The following IL23R variants were observed in gnomAD, a reference collection of about 807,000 sequenced individuals.
IL23R encodes the protein interleukin-23 receptor.
Under a neutral mutation model 56.9 loss-of-function variants are expected in IL23R, and 34 were observed. That is an observed-to-expected ratio of 0.60 (90% CI 0.45 to 0.80). The LOEUF (loss-of-function observed/expected upper bound fraction) is 0.80, where lower values mean the gene tolerates loss of function less well. Among genes scored for constraint, IL23R ranks in the 30% least tolerant of loss-of-function variants. The pLI is 0.00. For missense variants in IL23R, 635 were observed against 730.0 expected (o/e 0.87, Z 1.50); for synonymous variants, 230 against 249.2 (o/e 0.92, Z 0.73).
intron 9 of IL23R, among the ~76,000 whole-genome samples, chr1:67,245,545 T>C (rs1652161189): frequency 6.6e-6 from 1 of 152,210 alleles, no homozygotes; most frequent in Non-Finnish European, 1.5e-5. Flanking sequence ...TCAAAGGCCT[T>C]TTCTGCATCT....
intron 3 of IL23R, among the ~76,000 whole-genome samples, chr1:67,177,835 A>G (rs1647032062): frequency 6.6e-6 from 1 of 151,072 alleles, no homozygotes; most frequent in South Asian, 2.1e-4. Flanking sequence ...CCTTATGCAT[A>G]TGGCTAGCCA....
At chr1:67,147,931 A>ACCCAGTC (rs1325899546) in intron 1 of IL23R, among the ~76,000 whole-genome samples, 2 of 152,028 alleles carry the variant, frequency 1.3e-5, no homozygotes, top group Non-Finnish European at 2.9e-5. Flanking sequence ...AGATGGTGGC[A>ACCCAGTC]AGCCTTTTGT....
downstream of IL23R, among the ~76,000 whole-genome samples, chr1:67,264,490 A>G (rs988738400): frequency 2.6e-5 from 4 of 152,244 alleles, no homozygotes; most frequent in African/African-American, 9.6e-5. Context: ...GTGATTAAAA[A>G]CAACTTATGA....
chr1:67,160,568 T>G (rs1430330903), intron 1 of IL23R, among the ~76,000 whole-genome samples: 2 of 152,234 alleles, frequency 1.3e-5, no homozygotes, highest in Non-Finnish European at 2.9e-5. Context: ...TTGGACAACT[T>G]ACAATCACTA....
At chr1:67,243,780 G>A (rs1652013447) in intron 9 of IL23R, among the ~76,000 whole-genome samples, 1 of 152,138 alleles carries the variant, frequency 6.6e-6, no homozygotes, top group Admixed American at 6.5e-5. Flanking sequence ...ACATGTGCAT[G>A]TGTCTTTATA....
chr1:67,230,833 A>C (rs1488750265), intron 7 of IL23R, among the ~76,000 whole-genome samples: 1 of 152,156 alleles, frequency 6.6e-6, no homozygotes, highest in African/African-American at 2.4e-5. Flanking sequence ...TGCCTTGCTA[A>C]TTGACATACT....
intron 9 of IL23R, among the ~76,000 whole-genome samples, chr1:67,254,270 T>C (rs1056262412): frequency 2.6e-5 from 4 of 152,064 alleles, no homozygotes; most frequent in African/African-American, 7.2e-5. Flanking sequence ...GATTTCACCA[T>C]GTTGGCCAGG....
chr1:67,164,234 G>A (rs771117338), upstream of IL23R, among the ~76,000 whole-genome samples: 67 of 152,300 alleles, frequency 4.4e-4, no homozygotes, highest in Non-Finnish European at 4.9e-4. Context: ...GGTGACTCAC[G>A]CCTGTAATCC....
At chr1:67,224,196 T>A (rs1031361275) in intron 7 of IL23R, among the ~76,000 whole-genome samples, 1 of 152,186 alleles carries the variant, frequency 6.6e-6, no homozygotes, top group Non-Finnish European at 1.5e-5. Context: ...CATTGCATCA[T>A]ACATAAAGAT....
intron 1 of IL23R, among the ~76,000 whole-genome samples, chr1:67,149,464 C>T (rs1046692986): frequency 1.3e-5 from 2 of 152,094 alleles, no homozygotes; most frequent in Non-Finnish European, 2.9e-5. Flanking sequence ...CATTTTGCTT[C>T]TCTTATTCCC....
rs552927172 is a variant in IL23R at position 67,147,908 on chromosome 1, TAAGCCGCTTCCAAGATGGTGGC to T, written c.-634+8753_-634+8774del. ...TGTTCTTAGAGCTCCCAAGATGGGG[TAAGCCGCTTCCAAGATGGTGGC>T]AAGCCTTTTGTTCTCTGACCTGGGG... On this transcript the variant is annotated intron_variant, in intron 1 of 10. Coordinates refer to the IL23R transcript ENST00000637002. 1.1e-4 allele frequency among the ~76,000 whole-genome samples: 16 copies of T among 152,050 alleles called. No individual in the cohort carries two copies. In the South Asian group the frequency reaches 2.9e-3, roughly 28 times the overall value.
intron 9 of IL23R, among the ~76,000 whole-genome samples, chr1:67,247,435 G>T (rs1212022521): frequency 6.6e-6 from 1 of 151,948 alleles, no homozygotes; most frequent in African/African-American, 2.4e-5. Flanking sequence ...CTCCCTAGTA[G>T]CTGGGATTAC....
At chr1:67,139,824 A>G (rs1207993054) in intron 1 of IL23R, among the ~76,000 whole-genome samples, 1 of 152,150 alleles carries the variant, frequency 6.6e-6, no homozygotes, top group Non-Finnish European at 1.5e-5. Context: ...TACAGGAAAG[A>G]CCCACTGCAC....
chr1:67,243,237 G>A (rs1202002748), intron 9 of IL23R, among the ~76,000 whole-genome samples: 1 of 152,054 alleles, frequency 6.6e-6, no homozygotes, highest in Non-Finnish European at 1.5e-5. Context: ...TAGGTAATTT[G>A]GCTTAGATCA....
At chr1:67,194,599 A>T (rs1229113402) in intron 4 of IL23R, among the ~76,000 whole-genome samples, 6 of 152,262 alleles carry the variant, frequency 3.9e-5, no homozygotes, top group African/African-American at 1.4e-4. Flanking sequence ...AGACTTTAAA[A>T]GCAGAATTAA....
chr1:67,228,151 T>TTCC lies in IL23R; in HGVS notation c.955+8422_955+8423insCCT, dbSNP rs1650847896. Reference sequence around the variant, plus strand: ...TTCCTTCTTTCTTTCTGTCTTTCTTTTTCCTTCCTTCCTTCCTTCCTTCCT... The same window carrying TTCC: ...TTCCTTCTTTCTTTCTGTCTTTCTTTTCCTTCCTTCCTTCCTTCCTTCCTTCCT... On this transcript the variant is annotated intron_variant, in intron 7 of 10. Transcript: ENST00000347310. Among the ~76,000 whole-genome samples the TTCC allele has an allele frequency of 1.4e-3, 82 of 58,108 alleles. 1 individual carries two copies. Among genetic ancestry groups the TTCC allele is most frequent in the African/African-American group, 6.4e-3 (77 of 12,040 alleles). The allele number at this position is 58,108 out of a possible 152,430, so 38.1% of individuals were successfully genotyped here.
rs116601871 is a variant in IL23R at position 67,191,618 on chromosome 1, A to T, written c.491+8659A>T. Among the ~76,000 whole-genome samples, 346 of 152,188 alleles carry T rather than the reference A, an allele frequency of 2.3e-3. 2 individuals carry two copies. Among genetic ancestry groups the T allele is most frequent in the African/African-American group, 8.0e-3 (333 of 41,508 alleles). On this transcript the variant is annotated intron_variant, in intron 4 of 10. Coordinates refer to ENST00000347310, the MANE Select transcript of IL23R (RefSeq NM_144701.3). ...TTTCTCTGTTTCTTTTTATGAAAAAAAATCAAAAGAGTTGTCTGCACTGTC... is the reference window on the plus strand; with the variant it reads ...TTTCTCTGTTTCTTTTTATGAAAAATAATCAAAAGAGTTGTCTGCACTGTC...
upstream of IL23R, among the ~76,000 whole-genome samples, chr1:67,162,240 C>T (rs955554203): frequency 7.9e-5 from 12 of 151,802 alleles, no homozygotes; most frequent in Non-Finnish European, 1.2e-4. Flanking sequence ...CCGAGGCAGA[C>T]GGATCACGAA....
chr1:67,156,725 A>C (rs891046576), intron 1 of IL23R, among the ~76,000 whole-genome samples: 3 of 152,310 alleles, frequency 2.0e-5, no homozygotes, highest in African/African-American at 7.2e-5. Context: ...ATTTAAAGCC[A>C]GTGGTTTTTA....
Sources: gnomAD v4.1 joint callset for allele counts (sites outside exome capture counted in the v4.1 genomes callset) on GRCh38, gnomAD v4.1.1 for gene constraint, MANE v1.5 for transcripts, NCBI Gene and HGNC (gene_info 2026-07-23, HGNC 2026-07-21) for gene names.